Variants in KCTD19 observed in about 807,000 individuals in gnomAD.
The protein encoded by KCTD19 is BTB/POZ domain-containing protein KCTD19.
Under a neutral mutation model 103.5 loss-of-function variants are expected in KCTD19, and 67 were observed. The ratio of observed to expected loss-of-function variants is 0.65; its 90% confidence interval spans 0.53 to 0.79. The LOEUF is 0.79. Ranked by LOEUF, KCTD19 falls within the 30% of genes least tolerant of loss-of-function variation. The probability of loss-of-function intolerance (pLI) is 0.00; values close to 1 mark genes in which losing one functional copy is unlikely to be tolerated. For synonymous variants in KCTD19, 439 were observed against 452.2 expected, an observed-to-expected ratio of 0.97 and a Z score of 0.37; for missense variants, 980 against 1,136.1, an observed-to-expected ratio of 0.86 and a Z score of 1.98.
Position 67,294,170 on chromosome 16 carries a change from G to A in KCTD19, c.1592C>T (p.Thr531Ile). Residue 531 changes from threonine (T) to isoleucine (I), a missense_variant and splice_region_variant, in exon 12 of 16, where the codon ACC becomes ATC. Thr to Ile is a moderately conservative substitution (Grantham distance 89). Coordinates refer to ENST00000304372, the MANE Select transcript of KCTD19 (RefSeq NM_001100915.3). ...GAAGTCCACAGGCATGTAGGCTGTG[G>A]TCTGGGGAGGGAAGGGCACAGTAAC... ...LVEFSRDTKE[T>I]TAYMPVDFED... 1.3e-6 allele frequency: 2 copies of A among 1,598,118 alleles called. No homozygotes were observed. Among genetic ancestry groups the A allele is most frequent in the Non-Finnish European group, 1.7e-6 (2 of 1,167,060 alleles).
chr16:67,295,697 C>CA (rs903149324), intron 8 of KCTD19: 10 of 353,290 alleles, frequency 2.8e-5, no homozygotes, highest in African/African-American at 2.1e-4. Context: ...CCTCCCTATG[C>CA]AAACTCTGGA....
Position 67,290,900 on chromosome 16 carries a change from C to T in KCTD19, c.2652G>A (p.Leu884=), listed in dbSNP as rs748107402. The stretch of plus-strand genomic sequence containing the variant: ...TGGCCCTCACCTCCACCCAGCTGTA[C>T]AGGCGCTCCTGGGTGTGCCGGTCAT... ...FKDDRHTQER[L]YSWVELTLPF... Residue 884 remains leucine, a synonymous_variant, in exon 15 of 16, where the codon CTG becomes CTA. Transcript: ENST00000304372. The T allele has an allele frequency of 2.5e-6, 4 of 1,613,384 alleles. No individual in the cohort carries two copies.
intron 2 of KCTD19, among the ~76,000 whole-genome samples, chr16:67,317,113 G>C (rs1292723143): frequency 6.6e-6 from 1 of 152,158 alleles, no homozygotes; most frequent in East Asian, 1.9e-4. Context: ...AGTACTAACA[G>C]TTTAGAGCAG....
intron 7 of KCTD19, among the ~76,000 whole-genome samples, chr16:67,296,605 A>G (rs770194880): frequency 1.5e-4 from 23 of 152,110 alleles, no homozygotes; most frequent in Non-Finnish European, 2.9e-4. Flanking sequence ...GACTGAAGCT[A>G]GGAATCTCTC....
Position 67,301,806 on chromosome 16 carries a change from A to G in KCTD19, c.760T>C (p.Tyr254His), listed in dbSNP as rs1418490452. ...IPALTEAVRWYRMNMGGCSPT... is the reference protein window; with the variant it reads ...IPALTEAVRWHRMNMGGCSPT... ...GGCGACATACCCATGTTCATCCGGT[A>G]CCACCTTACGGCTTCAGTGAGTGCA... Residue 254 changes from tyrosine (Y) to histidine (H), a missense_variant, in exon 5 of 16, where the codon TAC becomes CAC. Physicochemically the swap from Tyr to His is moderately conservative, Grantham distance 83. Transcript: ENST00000304372. The G allele has an allele frequency of 6.2e-7, 1 of 1,613,970 alleles. No individual in the cohort carries two copies. Among genetic ancestry groups the G allele is most frequent in the African/African-American group, 1.3e-5 (1 of 74,938 alleles).
intron 6 of KCTD19, among the ~76,000 whole-genome samples, chr16:67,298,245 G>A (rs748708151): frequency 6.6e-6 from 1 of 151,872 alleles, no homozygotes; most frequent in Non-Finnish European, 1.5e-5. Flanking sequence ...TGCTTGCCTT[G>A]GCCTCCCAAA....
chr16:67,294,767 C>T (rs1318058324), intron 10 of KCTD19, 73 bp from the exon 11 acceptor site: 2 of 1,166,336 alleles, frequency 1.7e-6, no homozygotes, highest in Non-Finnish European at 2.6e-6. Flanking sequence ...GTCAGATCTG[C>T]TCTTTGGCTG....
intron 2 of KCTD19, among the ~76,000 whole-genome samples, chr16:67,310,076 G>A (rs758722073): frequency 9.2e-5 from 14 of 152,190 alleles, no homozygotes; most frequent in Non-Finnish European, 1.8e-4. Context: ...GCTGTTTCCC[G>A]AACTCTGTCA....
Position 67,294,975 on chromosome 16 carries a change from G to A in KCTD19, c.1473C>T (p.Tyr491=), listed in dbSNP as rs557828022. 1.2e-6 allele frequency: 2 copies of A among 1,609,890 alleles called. No homozygotes were observed. The highest frequency in any genetic ancestry group is 1.1e-5 in the South Asian group (1 of 90,978). ...GAGTCGTGATAAAGTTTTCTTACTT[G>A]TATGCTTCACATTGTGCAAGGGCTT... ...LSEALAQCEA[Y]KSWTQEKESE... Residue 491 remains tyrosine (Y), a splice_region_variant and synonymous_variant, in exon 10 of 16, where the codon TAC becomes TAT. Coordinates refer to ENST00000304372, the MANE Select transcript of KCTD19 (RefSeq NM_001100915.3).
In KCTD19 at chr16:67,323,063, T is replaced by C. The variant is rs2037093286; in HGVS notation, c.4-2178A>G. Among the ~76,000 whole-genome samples, 1 of 152,116 alleles carries C rather than the reference T, an allele frequency of 6.6e-6. No individual in the cohort carries two copies. The highest frequency in any genetic ancestry group is 2.1e-4 in the South Asian group (1 of 4,828). On this transcript the variant is annotated intron_variant, in intron 1 of 15. Transcript: ENST00000304372. This position sits in a 1 kb window ranked among gnomAD's most constrained non-coding sequence, Gnocchi z 4.1. ...TGAAAACAATAGGTAATAACAAGTG[T>C]CGACAAAGAAACCAGAACCCCCATG...
chr16:67,297,951 T>C (rs9930024), intron 6 of KCTD19, among the ~76,000 whole-genome samples: 81,956 of 147,638 alleles, frequency 0.56, 25,773 homozygotes, highest in African/African-American at 0.88. Flanking sequence ...CCACCACGCC[T>C]GGCTAATTTT....
intron 2 of KCTD19, among the ~76,000 whole-genome samples, chr16:67,309,458 A>G (rs1425301045): frequency 6.6e-6 from 1 of 152,138 alleles, no homozygotes; most frequent in Non-Finnish European, 1.5e-5. Context: ...GGCAAGAAGA[A>G]AGGGTTTAGC....
intron 2 of KCTD19, among the ~76,000 whole-genome samples, chr16:67,316,327 C>A (rs2142521112): frequency 6.6e-6 from 1 of 152,304 alleles, no homozygotes; most frequent in African/African-American, 2.4e-5. Context: ...GTGTGAGACA[C>A]CATGCCCAGC....
At position 67,291,462 on chromosome 16, in the gene KCTD19, T is replaced by TTCTGTGGAGGAGGGAAAGTGGATG. The variant is rs1394358923; in HGVS notation, c.2411-23_2411dup (p.Gln803_Glu804insAspIleHisPheProSerSerThr). ...ACAGAGAGAAACTCAGGAAAGTCACTTCTGTGGAGGAGGGAAAGTGGATGT... is the reference window on the plus strand; with the variant it reads ...ACAGAGAGAAACTCAGGAAAGTCACTTCTGTGGAGGAGGGAAAGTGGATGTCTGTGGAGGAGGGAAAGTGGATGT... On this transcript the variant is annotated inframe_insertion and splice_region_variant, in exon 14 of 16. Coordinates refer to ENST00000304372, the MANE Select transcript of KCTD19 (RefSeq NM_001100915.3). 5 of 1,613,390 alleles carry TTCTGTGGAGGAGGGAAAGTGGATG rather than the reference T, an allele frequency of 3.1e-6. No individual in the cohort carries two copies. The highest frequency in any genetic ancestry group is 4.2e-6 in the Non-Finnish European group (5 of 1,179,670).
Position 67,294,106 on chromosome 16 carries a change from C to T in KCTD19, c.1656G>A (p.Lys552=), listed in dbSNP as rs778903025. ...TCTGGTTGGACCTGACCAGGTTTCCCTTAGCCTTGTTCCATGGAGTCCTGT... is the reference window on the plus strand; with the variant it reads ...TCTGGTTGGACCTGACCAGGTTTCCTTTAGCCTTGTTCCATGGAGTCCTGT... ...CSDRTPWNKA[K]GNLVRSNQMD... The change falls in exon 12 of 16, where the codon AAG becomes AAA. Residue 552 remains lysine, a synonymous_variant. Transcript: ENST00000304372. 1 of 1,613,652 alleles carries T rather than the reference C, an allele frequency of 6.2e-7. No individual in the cohort carries two copies. Among genetic ancestry groups the T allele is most frequent in the South Asian group, 1.1e-5 (1 of 91,074 alleles).
At position 67,291,781 on chromosome 16, in the gene KCTD19, C is replaced by A. The variant is rs768255137; in HGVS notation, c.2275G>T (p.Val759Phe). 15 of 1,613,910 alleles carry A rather than the reference C, an allele frequency of 9.3e-6. No homozygotes were observed. The South Asian group carries it at 1.5e-4, about 17-fold the overall frequency. ...GGGGGGTGAGTCACTTTGAGGATAA[C>A]CCCTAGGCTGTCCACCTCACTGGCC... ...PEASEVDSLGVILKVTHPPVV... is the reference protein window; with the variant it reads ...PEASEVDSLGFILKVTHPPVV... Residue 759 changes from valine to phenylalanine, a missense_variant, in exon 13 of 16, where the codon GTT (valine) becomes TTT (phenylalanine). Val to Phe is a conservative substitution (Grantham distance 50). Coordinates refer to ENST00000304372, the MANE Select transcript of KCTD19 (RefSeq NM_001100915.3).
At chr16:67,294,851 C>A in intron 10 of KCTD19, 122 bp downstream of exon 10, 1 of 967,488 alleles carries the variant, frequency 1.0e-6, no homozygotes, top group Non-Finnish European at 1.6e-6. Flanking sequence ...AATCCTGGGC[C>A]TGCTTCACTC....
Position 67,303,328 on chromosome 16 carries a change from T to C in KCTD19, c.461A>G (p.Asp154Gly), listed in dbSNP as rs1306230454. 1.1e-5 allele frequency: 17 copies of C among 1,611,600 alleles called. No individual in the cohort carries two copies. Among genetic ancestry groups the C allele is most frequent in the Non-Finnish European group, 1.4e-5 (17 of 1,178,648 alleles). Residue 154 changes from aspartate to glycine, a missense_variant, in exon 4 of 16, where the codon GAT (aspartate) becomes GGT (glycine). Coordinates refer to ENST00000304372, the MANE Select transcript of KCTD19 (RefSeq NM_001100915.3). The surrounding 1 kb of genome is among the most constrained non-coding windows in gnomAD (Gnocchi z 4.3). ...IKSPAFTGLHDKAPLGLMDTP... is the reference protein window; with the variant it reads ...IKSPAFTGLHGKAPLGLMDTP... ...GTCCATGAGCCCCAGAGGTGCCTTA[T>C]CATGTAGGCCTGGAAGAGAACATGC... is the stretch of plus-strand genomic sequence containing the variant.
In KCTD19 at chr16:67,320,500, T is replaced by A. The variant is rs2037060125; in HGVS notation, c.300+89A>T. 1 of 1,323,562 alleles carries A rather than the reference T, an allele frequency of 7.6e-7. No homozygotes were observed. The highest frequency in any genetic ancestry group is 1.5e-5 in the African/African-American group (1 of 67,964). The allele number at this position is 1,323,562 out of a possible 1,614,324, so 82.0% of individuals were successfully genotyped here. A position where few individuals can be genotyped will look rare whatever the true frequency, so the allele number is the denominator to read the frequency against. On this transcript the variant is annotated intron_variant, in intron 2 of 15. Transcript: ENST00000304372. The surrounding 1 kb of genome is among the most constrained non-coding windows in gnomAD (Gnocchi z 4.0). ...ACATTTGCCCATTAAGAGGGTCATC[T>A]CAGCAACCAATATATAACAGGAAAC...
Sources: gnomAD v4.1 joint callset for allele counts (sites outside exome capture counted in the v4.1 genomes callset) on GRCh38, gnomAD v4.1.1 for gene constraint, Gnocchi (gnomAD v3.1) non-coding constraint, MANE v1.5 for transcripts, NCBI Gene and HGNC (gene_info 2026-07-23, HGNC 2026-07-21) for gene names.